Variants in ANKS1B observed in about 807,000 individuals in gnomAD.
ANKS1B encodes the protein ankyrin repeat and sterile alpha motif domain containing 1B.
A neutral mutation model predicts 148.3 loss-of-function variants in ANKS1B; 36 were observed. That is an observed-to-expected ratio of 0.24 (90% CI 0.19 to 0.32). The LOEUF (loss-of-function observed/expected upper bound fraction) is 0.32. Among genes scored for constraint, ANKS1B ranks in the 10% least tolerant of loss-of-function variants. The pLI is 1.00. For synonymous variants in ANKS1B, 542 were observed against 560.8 expected, an observed-to-expected ratio of 0.97 and a Z score of 0.47; for missense variants, 1,157 against 1,542.6, an observed-to-expected ratio of 0.75 and a Z score of 4.19.
chr12:99,573,592 A>G (rs1031560632), intron 9 of ANKS1B, among the ~76,000 whole-genome samples: 44 of 152,076 alleles, frequency 2.9e-4, no homozygotes, highest in African/African-American at 1.0e-3. Flanking sequence ...GAGCAGCTTA[A>G]CATGGTTGGG....
At chr12:99,775,006 T>C (rs2063526704) in intron 7 of ANKS1B, among the ~76,000 whole-genome samples, 1 of 151,802 alleles carries the variant, frequency 6.6e-6, no homozygotes, top group South Asian at 2.1e-4. Context: ...GTGGAGGAGA[T>C]GGGAAAGTGT....
At chr12:99,632,608 T>C (rs2098173040) in intron 9 of ANKS1B, among the ~76,000 whole-genome samples, 1 of 151,124 alleles carries the variant, frequency 6.6e-6, no homozygotes. Flanking sequence ...TGCAGAATGC[T>C]AGTCATGGAG....
chr12:99,153,808 A>G (rs2075558023), intron 15 of ANKS1B, among the ~76,000 whole-genome samples: 1 of 152,222 alleles, frequency 6.6e-6, no homozygotes, highest in South Asian at 2.1e-4. Flanking sequence ...GGTTGTCCAC[A>G]TGATTTAAAC....
At chr12:98,739,403 A>G (rs1296255698), downstream of ANKS1B, among the ~76,000 whole-genome samples, 2 of 152,190 alleles carry the variant, frequency 1.3e-5, no homozygotes, top group Non-Finnish European at 2.9e-5. Context: ...ATTCTGATAG[A>G]AGCCAATGGA....
At chr12:98,954,425 G>T (rs1191163973) in intron 17 of ANKS1B, 1 of 152,190 alleles carries the variant, frequency 6.6e-6, no homozygotes, top group East Asian at 1.9e-4. Flanking sequence ...TTCAGGTATT[G>T]CCAATGAGAT....
At chr12:99,792,360 G>A (rs2065760690) in intron 4 of ANKS1B, among the ~76,000 whole-genome samples, 1 of 151,614 alleles carries the variant, frequency 6.6e-6, no homozygotes, top group Non-Finnish European at 1.5e-5. Context: ...TGAAAAATAG[G>A]GGAAGATGGA....
intron 9 of ANKS1B, among the ~76,000 whole-genome samples, chr12:99,553,948 CT>C (rs2097250941): frequency 6.6e-6 from 1 of 152,106 alleles, no homozygotes; most frequent in Non-Finnish European, 1.5e-5. Context: ...AATCCTGGGA[CT>C]TTTTGGACAA....
intron 14 of ANKS1B, among the ~76,000 whole-genome samples, chr12:99,195,092 T>C (rs1269342265): frequency 3.3e-5 from 5 of 152,122 alleles, no homozygotes; most frequent in Admixed American, 2.0e-4. Context: ...TCTCATACTT[T>C]GTTTAACTGA....
At chr12:99,682,779 A>AAAC (rs984582578) in intron 8 of ANKS1B, among the ~76,000 whole-genome samples, 2 of 152,308 alleles carry the variant, frequency 1.3e-5, no homozygotes, top group Admixed American at 6.5e-5. Flanking sequence ...ATTGATATTG[A>AAAC]AACAACAACA....
intron 4 of ANKS1B, among the ~76,000 whole-genome samples, chr12:99,800,087 T>C (rs2153655239): frequency 6.6e-6 from 1 of 152,224 alleles, no homozygotes; most frequent in African/African-American, 2.4e-5. Context: ...GCTAAGGCCC[T>C]AACCTCCAGT....
chr12:98,912,172 TA>T (rs2152843777), intron 17 of ANKS1B, among the ~76,000 whole-genome samples: 1 of 152,276 alleles, frequency 6.6e-6, no homozygotes, highest in South Asian at 2.1e-4. Flanking sequence ...TAAAGAAACT[TA>T]AAGGCAGAGT....
intron 12 of ANKS1B, among the ~76,000 whole-genome samples, chr12:99,255,377 A>T (rs183302028): frequency 6.6e-6 from 1 of 151,776 alleles, no homozygotes; most frequent in Admixed American, 6.6e-5. Flanking sequence ...TTTTATCTTG[A>T]TCATTTTGAC....
At chr12:99,944,416 T>C (rs1054260305) in intron 1 of ANKS1B, among the ~76,000 whole-genome samples, 6 of 152,166 alleles carry the variant, frequency 3.9e-5, no homozygotes, top group African/African-American at 1.4e-4. Flanking sequence ...ATGCTGCTCC[T>C]CAGGGTTCCC....
At chr12:99,467,176 C>G (rs2096135426) in intron 10 of ANKS1B, among the ~76,000 whole-genome samples, 1 of 152,190 alleles carries the variant, frequency 6.6e-6, no homozygotes, top group African/African-American at 2.4e-5. Context: ...TAAACAGAAC[C>G]AAAGACAAAA....
intron 9 of ANKS1B, among the ~76,000 whole-genome samples, chr12:99,509,858 G>A (rs2096746592): frequency 6.6e-6 from 1 of 151,958 alleles, no homozygotes; most frequent in South Asian, 2.1e-4. Flanking sequence ...AACTTTAAAA[G>A]GACAGTCCAA....
intron 17 of ANKS1B, chr12:98,894,897 T>TGCCCCC: frequency 1.1e-6 from 1 of 907,810 alleles, no homozygotes; most frequent in Non-Finnish European, 1.3e-6. Flanking sequence ...CGCCCCCCAC[T>TGCCCCC]GCCCCCGCCC....
intron 17 of ANKS1B, among the ~76,000 whole-genome samples, chr12:98,998,223 C>G (rs1271279880): frequency 6.6e-6 from 1 of 152,088 alleles, no homozygotes; most frequent in Non-Finnish European, 1.5e-5. Context: ...CAGAAAGACA[C>G]TGGAATTGGA....
chr12:99,526,813 G>A (rs1175906493), intron 9 of ANKS1B, among the ~76,000 whole-genome samples: 1 of 152,164 alleles, frequency 6.6e-6, no homozygotes, highest in African/African-American at 2.4e-5. Context: ...ACGTGTCAAA[G>A]TCCTAACCCC....
At chr12:99,869,499 C>T (rs192335954) in intron 1 of ANKS1B, among the ~76,000 whole-genome samples, 6 of 151,472 alleles carry the variant, frequency 4.0e-5, no homozygotes, top group Non-Finnish European at 7.4e-5. Context: ...CATGGAGAAA[C>T]CCATCTCTAC....
Sources: allele counts gnomAD v4.1 joint callset (sites outside exome capture counted in the v4.1 genomes callset), GRCh38; gene constraint gnomAD v4.1.1; transcripts MANE v1.5; gene names NCBI Gene and HGNC (gene_info 2026-07-23, HGNC 2026-07-21).